The following AFDN variants were observed in gnomAD, a reference collection of about 807,000 sequenced individuals.
AFDN encodes the protein afadin, adherens junction formation factor.
AFDN carries 68 observed loss-of-function variants against 216.6 expected under a neutral mutation model. The observed-to-expected ratio is 0.31, with a 90% CI of 0.26 to 0.38. The LOEUF is 0.38. Ranked by LOEUF, AFDN falls within the 10% of genes least tolerant of loss-of-function variation. The probability of loss-of-function intolerance (pLI) is 1.00; values close to 1 mark genes in which losing one functional copy is unlikely to be tolerated. For missense variants in AFDN, 2,136 were observed against 2,342.0 expected (o/e 0.91, Z 1.82); for synonymous variants, 868 against 853.7 (o/e 1.02, Z -0.29).
intron 1 of AFDN, among the ~76,000 whole-genome samples, chr6:167,831,783 T>G (rs1487694186): frequency 6.6e-6 from 1 of 152,198 alleles, no homozygotes; most frequent in Non-Finnish European, 1.5e-5. Flanking sequence ...AAGGATTTGA[T>G]TGAGCAATTG....
chr6:167,837,466 T>G (rs1423065973), intron 1 of AFDN, among the ~76,000 whole-genome samples: 1 of 152,130 alleles, frequency 6.6e-6, no homozygotes, highest in Non-Finnish European at 1.5e-5. Context: ...ATTAGTTGTT[T>G]ACATCTTTAG....
At position 167,946,332 on chromosome 6, in the gene AFDN, C is replaced by T. The variant is rs191189933; in HGVS notation, c.3359-375C>T. On this transcript the variant is annotated intron_variant, in intron 26 of 33. Transcript: ENST00000683244. ...GCGGAAGGCTCACGTCACATGACGG[C>T]TGCTCAGAACGATGACGCTGGGCGA... Among the ~76,000 whole-genome samples the T allele has an allele frequency of 2.6e-5, 4 of 152,334 alleles. No individual in the cohort carries two copies. In the East Asian group the frequency reaches 7.7e-4, roughly 29 times the overall value.
At chr6:167,889,354 C>G (rs1179604143) in intron 7 of AFDN, 28 bp downstream of exon 7, 5 of 1,454,472 alleles carry the variant, frequency 3.4e-6, no homozygotes, top group Non-Finnish European at 4.8e-6. Flanking sequence ...GGATTACTTA[C>G]ACCAGATTCC....
At chr6:167,928,974 CAT>C (rs1468053444) in intron 23 of AFDN, among the ~76,000 whole-genome samples, 1 of 152,112 alleles carries the variant, frequency 6.6e-6, no homozygotes, top group Admixed American at 6.6e-5. Context: ...AAATATTTGT[CAT>C]GTGTGGTGAA....
At chr6:167,937,983 C>T (rs61555096) in intron 23 of AFDN, among the ~76,000 whole-genome samples, 1,597 of 152,276 alleles carry the variant, frequency 0.01, 34 homozygotes, top group African/African-American at 0.037. Context: ...AGGGATAGAG[C>T]TCCTTATATT....
In AFDN at chr6:167,962,887, G is replaced by T; in HGVS notation, c.4968+320G>T. The T allele has an allele frequency of 8.5e-7, 1 of 1,171,722 alleles. No individual in the cohort carries two copies. Among genetic ancestry groups the T allele is most frequent in the Non-Finnish European group, 1.1e-6 (1 of 942,326 alleles). The allele number at this position is 1,171,722 out of a possible 1,614,324, so 72.6% of individuals were successfully genotyped here. ...ACTCATCTTTACTGAACATGGCCCAGCTTGTCATTGTGAAGGTGACATTGG... is the reference window on the plus strand; with the variant it reads ...ACTCATCTTTACTGAACATGGCCCATCTTGTCATTGTGAAGGTGACATTGG... On this transcript the variant is annotated intron_variant, in intron 31 of 33. Transcript: ENST00000683244. This position sits in a 1 kb window ranked among gnomAD's most constrained non-coding sequence, Gnocchi z 5.2.
Position 167,898,400 on chromosome 6 carries a change from G to C in AFDN, c.1513G>C (p.Asp505His). ...ATTTAAGTTTGTGGACCCCAGTCAGGATCATGCTCTTGCAAAAAGATCTGT... is the reference window on the plus strand; with the variant it reads ...ATTTAAGTTTGTGGACCCCAGTCAGCATCATGCTCTTGCAAAAAGATCTGT... ...HVFKFVDPSQ[D>H]HALAKRSVDG... The change falls in exon 11 of 34, where the codon GAT (aspartate) becomes CAT (histidine). Residue 505 changes from aspartate (D) to histidine (H), a missense_variant. Asp to His is a moderately conservative substitution (Grantham distance 81, BLOSUM62 -1). Coordinates refer to ENST00000683244, the MANE Select transcript of AFDN (RefSeq NM_001386888.1). 6.2e-7 allele frequency: 1 copy of C among 1,614,184 alleles called. No homozygotes were observed. Among genetic ancestry groups the C allele is most frequent in the Non-Finnish European group, 8.5e-7 (1 of 1,180,032 alleles).
chr6:167,947,419 T>A (rs1795434039), intron 27 of AFDN, among the ~76,000 whole-genome samples: 1 of 152,206 alleles, frequency 6.6e-6, no homozygotes, highest in Admixed American at 6.5e-5. Flanking sequence ...GACCTCGTGA[T>A]CTGCCCGCCT....
At chr6:167,843,009 A>G (rs1017983411) in intron 1 of AFDN, among the ~76,000 whole-genome samples, 4 of 152,236 alleles carry the variant, frequency 2.6e-5, no homozygotes, top group Non-Finnish European at 5.9e-5. Flanking sequence ...GAGGAAATAC[A>G]GTAGTTAATG....
intron 23 of AFDN, among the ~76,000 whole-genome samples, chr6:167,938,628 T>C (rs1345249210): frequency 1.3e-5 from 2 of 152,230 alleles, no homozygotes; most frequent in Admixed American, 6.5e-5. Flanking sequence ...ATAAATTACC[T>C]ACCTTAAAAT....
intron 23 of AFDN, 77 bp downstream of exon 23, chr6:167,925,168 G>A: frequency 9.7e-7 from 1 of 1,031,924 alleles, no homozygotes; most frequent in Non-Finnish European, 1.5e-6. Context: ...AGTGGATCGT[G>A]TGGGAGTACT....
intron 6 of AFDN, among the ~76,000 whole-genome samples, chr6:167,886,012 T>A (rs780753202): frequency 7.9e-5 from 12 of 152,142 alleles, no homozygotes; most frequent in Non-Finnish European, 1.3e-4. Flanking sequence ...GTTATATGAT[T>A]AAGATCTGAA....
chr6:167,845,927 G>A (rs913838604), intron 1 of AFDN, among the ~76,000 whole-genome samples: 2 of 152,128 alleles, frequency 1.3e-5, no homozygotes, highest in Non-Finnish European at 2.9e-5. Context: ...GGAGAAGCAA[G>A]CACCTTCTTC....
intron 10 of AFDN, 140 bp downstream of exon 10, chr6:167,897,112 G>A (rs746389181): frequency 6.6e-6 from 3 of 453,170 alleles, no homozygotes; most frequent in Non-Finnish European, 1.2e-5. Flanking sequence ...TCTACTCTGG[G>A]TCACTTTTCT....
At chr6:167,836,217 T>C (rs942494106) in intron 1 of AFDN, among the ~76,000 whole-genome samples, 1 of 152,238 alleles carries the variant, frequency 6.6e-6, no homozygotes, top group African/African-American at 2.4e-5. Flanking sequence ...TTTCAAGTTC[T>C]ACTTATAGAT....
intron 10 of AFDN, among the ~76,000 whole-genome samples, chr6:167,897,296 T>C (rs1045776582): frequency 4.6e-5 from 7 of 152,196 alleles, no homozygotes; most frequent in African/African-American, 1.7e-4. Context: ...GAAGTGCTTA[T>C]CACTGGAGGT....
intron 25 of AFDN, 57 bp from the exon 26 acceptor site, chr6:167,943,884 T>G: frequency 7.1e-7 from 1 of 1,413,582 alleles, no homozygotes; most frequent in Non-Finnish European, 1.0e-6. Context: ...CAGCGATTCA[T>G]GACAGAGCAG....
At chr6:167,832,705 C>CT (rs1373813388) in intron 1 of AFDN, among the ~76,000 whole-genome samples, 1 of 152,122 alleles carries the variant, frequency 6.6e-6, no homozygotes, top group Non-Finnish European at 1.5e-5. Context: ...GAGTGAAACT[C>CT]TTTTGAGGAA....
chr6:167,836,373 C>T (rs558389822), intron 1 of AFDN, among the ~76,000 whole-genome samples: 3 of 152,288 alleles, frequency 2.0e-5, no homozygotes, highest in East Asian at 1.9e-4. Context: ...AGCCAACCAT[C>T]GGCTGTGTAA....
Sources: gnomAD v4.1 joint callset for allele counts (sites outside exome capture counted in the v4.1 genomes callset) on GRCh38, gnomAD v4.1.1 for gene constraint, Gnocchi (gnomAD v3.1) non-coding constraint, MANE v1.5 for transcripts, NCBI Gene and HGNC (gene_info 2026-07-23, HGNC 2026-07-21) for gene names.